Variants in CNTN3 observed in about 807,000 individuals in gnomAD.
The protein encoded by CNTN3 is contactin-3.
Under a neutral mutation model 119.1 loss-of-function variants are expected in CNTN3, and 60 were observed. The ratio of observed to expected loss-of-function variants is 0.50; its 90% CI spans 0.41 to 0.62. The LOEUF is 0.62. Among genes scored for constraint, CNTN3 ranks in the 20% least tolerant of loss-of-function variants. CNTN3 has a pLI of 0.00. For synonymous variants in CNTN3, 450 were observed against 438.7 expected, an observed-to-expected ratio of 1.03 and a Z score of -0.32; for missense variants, 1,101 against 1,242.4, an observed-to-expected ratio of 0.89 and a Z score of 1.71.
At chr3:74,475,091 CA>C (rs1319397199) in intron 4 of CNTN3, among the ~76,000 whole-genome samples, 2 of 152,102 alleles carry the variant, frequency 1.3e-5, no homozygotes, top group African/African-American at 4.8e-5. Context: ...TTCTTTATAG[CA>C]ATGTGAGAAC....
chr3:74,403,237 T>C (rs761476658), intron 5 of CNTN3, among the ~76,000 whole-genome samples: 2 of 152,072 alleles, frequency 1.3e-5, no homozygotes, highest in African/African-American at 2.4e-5. Context: ...GTAAAAGAGA[T>C]GGACAGTTTC....
chr3:74,335,838 T>A (rs190077799), intron 12 of CNTN3, among the ~76,000 whole-genome samples: 2 of 152,248 alleles, frequency 1.3e-5, no homozygotes, highest in Admixed American at 1.3e-4. Flanking sequence ...CACCTTCATG[T>A]CCATGAAATC....
intron 4 of CNTN3, among the ~76,000 whole-genome samples, chr3:74,450,016 T>A (rs564782360): frequency 6.6e-6 from 1 of 152,248 alleles, no homozygotes; most frequent in South Asian, 2.1e-4. Flanking sequence ...AATAGCAAGA[T>A]AATGAATCAA....
intron 4 of CNTN3, among the ~76,000 whole-genome samples, chr3:74,473,182 G>GAA (rs899761495): frequency 2.9e-5 from 4 of 138,622 alleles, no homozygotes; most frequent in Non-Finnish European, 3.2e-5. Flanking sequence ...ACAGAAAAGC[G>GAA]AAAAAAAAAA....
rs200260713 is a variant in CNTN3 at position 74,486,532 on chromosome 3, A to C, written c.282T>G (p.Asp94Glu). The change falls in exon 4 of 23, where the codon GAT becomes GAG. Residue 94 changes from aspartate to glutamate, a missense_variant. By Grantham distance (45) the Asp-to-Glu change is conservative. Transcript: ENST00000263665. The part of the protein sequence containing the change: ...LVVINPNRNW[D>E]TGTYQCFATN... ...TTGCAAAACATTGGTAAGTTCCTGT[A>C]TCCCAATTTCTGTTGGGATTAATAA... The C allele has an allele frequency of 8.1e-6, 13 of 1,610,498 alleles. No homozygotes were observed. The East Asian group carries it at 2.9e-4, about 36-fold the overall frequency.
At position 74,459,287 on chromosome 3, in the gene CNTN3, C is replaced by T. The variant is rs1313079128; in HGVS notation, c.358+27169G>A. ...TCTTCCTCATGCCGAATCAATCTAT[C>T]GCCAACCTCTGTCACTTCTTCCTCT... On this transcript the variant is annotated intron_variant, in intron 4 of 22. Transcript: ENST00000263665. Among the ~76,000 whole-genome samples the T allele has an allele frequency of 2.0e-5, 3 of 152,016 alleles. No individual in the cohort carries two copies. In the East Asian group the frequency reaches 5.8e-4, roughly 29 times the overall value.
At chr3:74,475,314 A>C (rs1702635010) in intron 4 of CNTN3, among the ~76,000 whole-genome samples, 1 of 152,344 alleles carries the variant, frequency 6.6e-6, no homozygotes, top group African/African-American at 2.4e-5. Flanking sequence ...ATGCATATCT[A>C]AGCAAAAATA....
chr3:74,306,287 C>A (rs1702562853), intron 13 of CNTN3, among the ~76,000 whole-genome samples: 1 of 149,914 alleles, frequency 6.7e-6, no homozygotes, highest in African/African-American at 2.5e-5. Flanking sequence ...GATTATTTAC[C>A]ATATTTATAA....
intron 11 of CNTN3, among the ~76,000 whole-genome samples, chr3:74,350,839 G>A (rs573770396): frequency 5.5e-4 from 83 of 151,794 alleles, no homozygotes; most frequent in African/African-American, 2.0e-3. Flanking sequence ...AAAAAAAAAA[G>A]CACATTCTCC....
chr3:74,484,785 A>G (rs1702822248), intron 4 of CNTN3, among the ~76,000 whole-genome samples: 2 of 152,174 alleles, frequency 1.3e-5, no homozygotes, highest in African/African-American at 4.8e-5. Flanking sequence ...AAGACAACAG[A>G]GCAAAACACT....
chr3:74,477,166 T>C (rs761597378), intron 4 of CNTN3, among the ~76,000 whole-genome samples: 5 of 152,082 alleles, frequency 3.3e-5, no homozygotes, highest in Admixed American at 6.6e-5. Context: ...GCTCACTTAA[T>C]CCACACACCT....
chr3:74,314,485 A>G (rs1334729262), intron 13 of CNTN3, among the ~76,000 whole-genome samples: 1 of 151,982 alleles, frequency 6.6e-6, no homozygotes, highest in Non-Finnish European at 1.5e-5. Flanking sequence ...TGTACTAATC[A>G]AAAGACAGCA....
At chr3:74,595,197 T>C (rs555029866) in intron 1 of CNTN3, among the ~76,000 whole-genome samples, 2 of 151,958 alleles carry the variant, frequency 1.3e-5, no homozygotes, top group Non-Finnish European at 2.9e-5. Flanking sequence ...ATATTAGCCC[T>C]TTGTCAGATG....
intron 1 of CNTN3, among the ~76,000 whole-genome samples, chr3:74,543,296 T>C (rs1056844416): frequency 6.6e-6 from 1 of 152,196 alleles, no homozygotes; most frequent in Non-Finnish European, 1.5e-5. Flanking sequence ...AGCGTATCAT[T>C]TATTGCTTGG....
intron 4 of CNTN3, among the ~76,000 whole-genome samples, chr3:74,434,359 T>A (rs1236902118): frequency 6.6e-6 from 1 of 152,228 alleles, no homozygotes; most frequent in Non-Finnish European, 1.5e-5. Context: ...GTCTCTGGTT[T>A]CATAACGATT....
rs528040604 is a variant in CNTN3, at chr3:74,555,273, G to A, written c.-80-34081C>T. ...TTCCAGGTAGGAAGTCGACTTGATC[G>A]TAGTGGATAACCTTTTTGATGTGCT... On this transcript the variant is annotated intron_variant, in intron 1 of 22. Coordinates refer to ENST00000263665, the MANE Select transcript of CNTN3 (RefSeq NM_020872.3). 7.2e-5 allele frequency among the ~76,000 whole-genome samples: 11 copies of A among 152,230 alleles called. No homozygotes were observed. In the East Asian group the frequency reaches 9.7e-4, roughly 13 times the overall value.
chr3:74,514,334 A>T (rs1703416553), intron 2 of CNTN3, among the ~76,000 whole-genome samples: 3 of 152,116 alleles, frequency 2.0e-5, no homozygotes, highest in African/African-American at 2.4e-5. Flanking sequence ...AAATTCTAAC[A>T]ATCTCTCCAT....
At chr3:74,612,721 G>A (rs754549453) in intron 1 of CNTN3, among the ~76,000 whole-genome samples, 1 of 152,076 alleles carries the variant, frequency 6.6e-6, no homozygotes, top group Non-Finnish European at 1.5e-5. Context: ...CATTTTGGGG[G>A]TCCTCAAACC....
rs756434998 is a variant in CNTN3 at position 74,301,491 on chromosome 3, A to C, written c.2002T>G (p.Trp668Gly). The change falls in exon 16 of 23, where the codon TGG (tryptophan) becomes GGG (glycine). Residue 668 changes from tryptophan (W) to glycine (G), a missense_variant. Transcript: ENST00000263665. ...ACAACCCGAAATTCATATTCCACCC[A>C]TGGGTTTAACTCAACTACAGTGGCT... is the stretch of plus-strand genomic sequence containing the variant. ...HTATVVELNPWVEYEFRVVAS... is the reference protein window; with the variant it reads ...HTATVVELNPGVEYEFRVVAS... 2 of 1,613,962 alleles carry C rather than the reference A, an allele frequency of 1.2e-6. No individual in the cohort carries two copies. Among genetic ancestry groups the C allele is most frequent in the African/African-American group, 2.7e-5 (2 of 74,888 alleles).
Sources: gnomAD v4.1 joint callset for allele counts (sites outside exome capture counted in the v4.1 genomes callset) on GRCh38, gnomAD v4.1.1 for gene constraint, MANE v1.5 for transcripts, NCBI Gene and HGNC (gene_info 2026-07-23, HGNC 2026-07-21) for gene names.